The following DLG2 variants were observed in gnomAD, a reference collection of about 807,000 sequenced individuals.
DLG2 encodes disks large homolog 2.
A neutral mutation model predicts 132.5 loss-of-function variants in DLG2; 45 were observed. The observed-to-expected ratio is 0.34, with a 90% confidence interval of 0.27 to 0.44. The LOEUF (loss-of-function observed/expected upper bound fraction) is 0.44. DLG2 is among the 20% of genes least tolerant of loss of function. The pLI is 1.00. For missense variants in DLG2, 1,045 were observed against 1,196.9 expected, an observed-to-expected ratio of 0.87 and a Z score of 1.87; for synonymous variants, 424 against 419.6, an observed-to-expected ratio of 1.01 and a Z score of -0.13.
At chr11:83,845,277 G>A (rs2058401754) in intron 16 of DLG2, among the ~76,000 whole-genome samples, 1 of 152,190 alleles carries the variant, frequency 6.6e-6, no homozygotes, top group South Asian at 2.1e-4. Context: ...TTAGTAGAAT[G>A]AGAAGACATG....
Position 84,673,574 on chromosome 11 carries a change from A to G in DLG2, c.358-138843T>C, listed in dbSNP as rs562319006. ...GTGGAAAGTTAAAAACAAGTCTACA[A>G]ACAAAACATCCAAAAGCCCTAGAAT... On this transcript the variant is annotated intron_variant, in intron 6 of 27. Transcript: ENST00000376104. Among the ~76,000 whole-genome samples, 14 of 151,204 alleles carry G rather than the reference A, an allele frequency of 9.3e-5. No homozygotes were observed. In the East Asian group the frequency reaches 2.7e-3, roughly 29 times the overall value.
rs570773433 is a variant in DLG2 at position 84,983,313 on chromosome 11, G to A, written c.357+128348C>T. On this transcript the variant is annotated intron_variant, in intron 6 of 27. Coordinates refer to ENST00000376104, the MANE Select transcript of DLG2 (RefSeq NM_001142699.3). The stretch of plus-strand genomic sequence containing the variant: ...AGACCCACAGACGGTTCACATCACA[G>A]GACTCTATGTAGACAACCCGCATTA... 2.9e-3 allele frequency among the ~76,000 whole-genome samples: 442 copies of A among 152,272 alleles called. 2 individuals are homozygous for A. Among genetic ancestry groups the A allele is most frequent in the Non-Finnish European group, 4.0e-3 (275 of 68,014 alleles).
At chr11:84,198,108 T>C (rs989680204) in intron 8 of DLG2, among the ~76,000 whole-genome samples, 4 of 152,188 alleles carry the variant, frequency 2.6e-5, no homozygotes, top group African/African-American at 9.6e-5. Flanking sequence ...CAGGTATAGA[T>C]ATTTTGCCTT....
At chr11:85,211,101 G>C (rs1053235701) in intron 4 of DLG2, among the ~76,000 whole-genome samples, 1 of 151,908 alleles carries the variant, frequency 6.6e-6, no homozygotes. Flanking sequence ...GTTGAGACTT[G>C]GTCTGTTTTA....
intron 12 of DLG2, among the ~76,000 whole-genome samples, chr11:83,972,646 T>C (rs1354728388): frequency 6.6e-6 from 1 of 152,068 alleles, no homozygotes; most frequent in Non-Finnish European, 1.5e-5. Flanking sequence ...AGCTAAGTTT[T>C]AAAAAAATGA....
At chr11:85,186,234 AAAATT>A (rs1418112373) in intron 4 of DLG2, among the ~76,000 whole-genome samples, 1 of 152,064 alleles carries the variant, frequency 6.6e-6, no homozygotes, top group Non-Finnish European at 1.5e-5. Context: ...AAAAAGAAAC[AAAATT>A]AATTTAAATA....
At chr11:84,990,823 A>T (rs2057017235) in intron 6 of DLG2, among the ~76,000 whole-genome samples, 1 of 152,078 alleles carries the variant, frequency 6.6e-6, no homozygotes, top group Non-Finnish European at 1.5e-5. Flanking sequence ...TGTTTCTTTG[A>T]CAACTAAACA....
At chr11:84,729,761 C>T (rs114957582) in intron 6 of DLG2, among the ~76,000 whole-genome samples, 6 of 152,050 alleles carry the variant, frequency 3.9e-5, no homozygotes, top group African/African-American at 1.4e-4. Flanking sequence ...GAATAAAGAA[C>T]CAATAAATAA....
chr11:84,356,223 A>G (rs113073957), intron 7 of DLG2, among the ~76,000 whole-genome samples: 13 of 152,276 alleles, frequency 8.5e-5, no homozygotes, highest in African/African-American at 3.1e-4. Context: ...CCACAAATGT[A>G]CATAATAAAG....
intron 18 of DLG2, among the ~76,000 whole-genome samples, chr11:83,780,758 T>C (rs993151132): frequency 1.3e-5 from 2 of 152,162 alleles, no homozygotes; most frequent in African/African-American, 2.4e-5. Flanking sequence ...ACTTCTTAGA[T>C]CTCCTGCAGT....
intron 7 of DLG2, among the ~76,000 whole-genome samples, chr11:84,516,265 C>T (rs1412877066): frequency 6.6e-6 from 1 of 150,858 alleles, no homozygotes; most frequent in Non-Finnish European, 1.5e-5. Context: ...TAGAGAAACA[C>T]TGGAAATGAG....
chr11:83,552,631 T>C (rs1706806835), intron 19 of DLG2, among the ~76,000 whole-genome samples: 2 of 152,180 alleles, frequency 1.3e-5, no homozygotes, highest in African/African-American at 4.8e-5. Flanking sequence ...GCCGCCTCTG[T>C]AATATAGTAA....
At chr11:85,222,498 T>C (rs1370938297) in intron 4 of DLG2, among the ~76,000 whole-genome samples, 1 of 152,152 alleles carries the variant, frequency 6.6e-6, no homozygotes, top group Non-Finnish European at 1.5e-5. Flanking sequence ...TATGAGCCAG[T>C]TACTATTCTA....
intron 6 of DLG2, among the ~76,000 whole-genome samples, chr11:84,881,496 G>A (rs1366961910): frequency 6.6e-6 from 1 of 152,054 alleles, no homozygotes; most frequent in Non-Finnish European, 1.5e-5. Flanking sequence ...CCCAAAACTG[G>A]GGTGCCAATT....
intron 4 of DLG2, among the ~76,000 whole-genome samples, chr11:85,198,339 G>C (rs1370630011): frequency 6.6e-6 from 1 of 152,054 alleles, no homozygotes; most frequent in Non-Finnish European, 1.5e-5. Context: ...ACCCCTTTAA[G>C]AACACACTGA....
intron 16 of DLG2, among the ~76,000 whole-genome samples, chr11:83,865,346 AC>A (rs2062122990): frequency 6.6e-6 from 1 of 152,046 alleles, no homozygotes; most frequent in African/African-American, 2.4e-5. Flanking sequence ...CTCTTACCCA[AC>A]CACCTTACAA....
At chr11:85,222,382 C>A (rs1326402239) in intron 4 of DLG2, among the ~76,000 whole-genome samples, 1 of 152,110 alleles carries the variant, frequency 6.6e-6, no homozygotes, top group Non-Finnish European at 1.5e-5. Context: ...AGTACCTACT[C>A]CACTAAGCAA....
At chr11:85,392,409 T>C (rs1161212162) in intron 3 of DLG2, among the ~76,000 whole-genome samples, 2 of 149,260 alleles carry the variant, frequency 1.3e-5, no homozygotes, top group Admixed American at 1.3e-4. Context: ...AATACCACCA[T>C]CATTCTTCAC....
At chr11:84,728,802 T>G (rs140115763) in intron 6 of DLG2, among the ~76,000 whole-genome samples, 1,628 of 152,300 alleles carry the variant, frequency 0.011, 33 homozygotes, top group African/African-American at 0.037. Flanking sequence ...TTCAACTTCT[T>G]CCTGGTTTAG....
Sources: allele counts gnomAD v4.1 joint callset (sites outside exome capture counted in the v4.1 genomes callset), GRCh38; gene constraint gnomAD v4.1.1; transcripts MANE v1.5; gene names NCBI Gene and HGNC (gene_info 2026-07-23, HGNC 2026-07-21).